Variants in SLC15A5 observed in about 807,000 individuals in gnomAD.
SLC15A5 encodes the protein solute carrier family 15 member 5.
Under a neutral mutation model 56.1 loss-of-function variants are expected in SLC15A5, and 58 were observed. The observed-to-expected ratio is 1.03, with a 90% CI of 0.84 to 1.29. The LOEUF is 1.29. Ranked by LOEUF, SLC15A5 falls within the 50% of genes most tolerant of loss-of-function variation. The pLI, the probability that SLC15A5 is intolerant of heterozygous loss-of-function variation, is 0.00. For synonymous variants in SLC15A5, 264 were observed against 250.5 expected, an observed-to-expected ratio of 1.05 and a Z score of -0.51; for missense variants, 681 against 672.1, an observed-to-expected ratio of 1.01 and a Z score of -0.15.
At chr12:16,191,261 T>G (rs1565653775) in intron 8 of SLC15A5, among the ~76,000 whole-genome samples, 2 of 151,996 alleles carry the variant, frequency 1.3e-5, no homozygotes, top group Non-Finnish European at 2.9e-5. Context: ...CTCACAAGAT[T>G]GGTTTGGTTC....
At chr12:16,259,595 G>A (rs953565367) in intron 2 of SLC15A5, among the ~76,000 whole-genome samples, 2 of 152,186 alleles carry the variant, frequency 1.3e-5, no homozygotes, top group Non-Finnish European at 2.9e-5. Flanking sequence ...ATACTTGCTA[G>A]GCAATGATAA....
In SLC15A5 at chr12:16,196,413, C is replaced by T. The variant is rs1014869655; in HGVS notation, c.1484-1960G>A. On this transcript the variant is annotated intron_variant, in intron 7 of 8. Coordinates refer to ENST00000344941, the MANE Select transcript of SLC15A5 (RefSeq NM_001170798.1). The surrounding 1 kb of genome is among the most constrained non-coding windows in gnomAD (Gnocchi z 4.0). ...GTGCATGTGTGTGTGTGTGCCCGTGCATGTGTGCACACAGGAACTAAACAT... is the reference window on the plus strand; with the variant it reads ...GTGCATGTGTGTGTGTGTGCCCGTGTATGTGTGCACACAGGAACTAAACAT... Among the ~76,000 whole-genome samples, 5 of 151,602 alleles carry T rather than the reference C, an allele frequency of 3.3e-5. No individual in the cohort carries two copies. Among genetic ancestry groups the T allele is most frequent in the South Asian group, 2.1e-4 (1 of 4,810 alleles).
At chr12:16,255,092 A>C (rs906025821) in intron 3 of SLC15A5, among the ~76,000 whole-genome samples, 1 of 152,128 alleles carries the variant, frequency 6.6e-6, no homozygotes. Flanking sequence ...ATCACTATGT[A>C]CCTCGTAAAT....
chr12:16,212,626 G>A (rs1864094658), intron 7 of SLC15A5, among the ~76,000 whole-genome samples: 1 of 152,150 alleles, frequency 6.6e-6, no homozygotes, highest in African/African-American at 2.4e-5. Context: ...TATCCAAAAG[G>A]AGAGGATTAA....
chr12:16,216,596 A>G (rs576533118), intron 7 of SLC15A5, among the ~76,000 whole-genome samples: 112 of 152,286 alleles, frequency 7.4e-4, no homozygotes, highest in Non-Finnish European at 1.3e-3. Context: ...GCTGTGAGGC[A>G]TTATTGCATA....
intron 1 of SLC15A5, among the ~76,000 whole-genome samples, chr12:16,273,507 C>T (rs1469986378): frequency 3.3e-5 from 5 of 152,080 alleles, no homozygotes; most frequent in African/African-American, 1.2e-4. Context: ...ATAAAAATAA[C>T]TATACAATTC....
intron 3 of SLC15A5, among the ~76,000 whole-genome samples, chr12:16,255,960 A>G (rs879887075): frequency 6.6e-6 from 1 of 152,208 alleles, no homozygotes; most frequent in African/African-American, 2.4e-5. Context: ...CAAGAGGCTT[A>G]TCTGAACGAC....
intron 7 of SLC15A5, among the ~76,000 whole-genome samples, chr12:16,209,302 A>G (rs564969645): frequency 2.6e-5 from 4 of 152,170 alleles, no homozygotes; most frequent in South Asian, 2.1e-4. Flanking sequence ...ATATACATAT[A>G]TAGTTCCCTC....
intron 8 of SLC15A5, 22 bp downstream of exon 8, chr12:16,194,323 A>G (rs1269614604): frequency 2.7e-6 from 4 of 1,476,356 alleles, no homozygotes; most frequent in East Asian, 2.5e-5. Flanking sequence ...GAAATTTTTC[A>G]TCTTACCACA....
At chr12:16,261,052 GT>G (rs894314183) in intron 2 of SLC15A5, among the ~76,000 whole-genome samples, 14 of 145,188 alleles carry the variant, frequency 9.6e-5, no homozygotes, top group South Asian at 2.2e-4. Context: ...CTTTTCTCTT[GT>G]TTTTTTTTTA....
chr12:16,224,504 T>C lies in SLC15A5; in HGVS notation c.1261A>G (p.Lys421Glu). 1.3e-6 allele frequency: 2 copies of C among 1,537,264 alleles called. No individual in the cohort carries two copies. Among genetic ancestry groups the C allele is most frequent in the Non-Finnish European group, 1.7e-6 (2 of 1,146,910 alleles). The change falls in exon 6 of 9, where the codon AAA becomes GAA. Residue 421 changes from lysine to glutamate, a missense_variant. Lys to Glu is a moderately conservative substitution (Grantham distance 56, BLOSUM62 1). Transcript: ENST00000344941. ...GGCATGGAGGAAACAGTGAGAACTT[T>C]TCCTGAAAGGGGCTGCTCCACTGCA... Reference protein sequence around the residue: ...FPAVEQPLSGKVLTVSSMPCF... With the variant: ...FPAVEQPLSGEVLTVSSMPCF...
intron 5 of SLC15A5, among the ~76,000 whole-genome samples, chr12:16,238,300 A>G (rs1814096292): frequency 6.6e-6 from 1 of 152,154 alleles, no homozygotes; most frequent in South Asian, 2.1e-4. Context: ...ACCTGTGACT[A>G]GAAGATTCCG....
intron 3 of SLC15A5, among the ~76,000 whole-genome samples, chr12:16,248,979 T>C (rs1019171893): frequency 2.0e-5 from 3 of 152,116 alleles, no homozygotes; most frequent in African/African-American, 7.2e-5. Flanking sequence ...TATTACTATT[T>C]TTTAAAAAAC....
chr12:16,237,554 A>C lies in SLC15A5; in HGVS notation c.1162+2127T>G, dbSNP rs561305515. Reference sequence around the variant, plus strand: ...TAAATAACTCTGTCTAACTTTTCTAAATCCAGAAAAAAAGTACTCTTCTTT... The same window carrying C: ...TAAATAACTCTGTCTAACTTTTCTACATCCAGAAAAAAAGTACTCTTCTTT... On this transcript the variant is annotated intron_variant, in intron 5 of 8. Coordinates refer to ENST00000344941, the MANE Select transcript of SLC15A5 (RefSeq NM_001170798.1). The surrounding 1 kb of genome is among the most constrained non-coding windows in gnomAD (Gnocchi z 4.1). 1.3e-5 allele frequency among the ~76,000 whole-genome samples: 2 copies of C among 152,292 alleles called. No homozygotes were observed. Among genetic ancestry groups the C allele is most frequent in the South Asian group, 4.1e-4 (2 of 4,824 alleles).
chr12:16,205,358 G>T (rs929259147), intron 7 of SLC15A5, among the ~76,000 whole-genome samples: 2 of 151,352 alleles, frequency 1.3e-5, no homozygotes, highest in Non-Finnish European at 1.5e-5. Flanking sequence ...TTTAATTCTC[G>T]ATAGTCTTTA....
rs1302541049 is a variant in SLC15A5, at chr12:16,188,503, T to C, written c.*1165A>G. 6.6e-6 allele frequency: 1 copy of C among 152,248 alleles called. No homozygotes were observed. Among genetic ancestry groups the C allele is most frequent in the Non-Finnish European group, 1.5e-5 (1 of 68,048 alleles). The allele number at this position is 152,248 out of a possible 1,614,324, so 9.4% of individuals were successfully genotyped here. On this transcript the variant is annotated 3_prime_UTR_variant, in exon 9 of 9. Transcript: ENST00000344941. Reference sequence around the variant, plus strand: ...TACCTAATCAAGTTGAGTAAATCTTTTATTCTACAGACCTAAAATATTTTA... The same window carrying C: ...TACCTAATCAAGTTGAGTAAATCTTCTATTCTACAGACCTAAAATATTTTA...
chr12:16,244,667 A>T lies in SLC15A5; in HGVS notation c.888T>A (p.Ser296Arg). 6.5e-7 allele frequency: 1 copy of T among 1,537,420 alleles called. No individual in the cohort carries two copies. The highest frequency in any genetic ancestry group is 2.4e-5 in the East Asian group (1 of 40,912). The change falls in exon 4 of 9, where the codon AGT becomes AGA. Residue 296 changes from serine (S) to arginine (R), a missense_variant. By Grantham distance (110) the Ser-to-Arg change is moderately radical (BLOSUM62 -1). Transcript: ENST00000344941. ...ATGTTGTGTCTTCTACATGGAGCTCACTGTAGCAGCCACCATTTTTTTCTT... is the reference window on the plus strand; with the variant it reads ...ATGTTGTGTCTTCTACATGGAGCTCTCTGTAGCAGCCACCATTTTTTTCTT... Reference protein sequence around the residue: ...HAKEKNGGCYSELHVEDTTFF... With the variant: ...HAKEKNGGCYRELHVEDTTFF...
At chr12:16,238,203 A>G (rs556113266) in intron 5 of SLC15A5, among the ~76,000 whole-genome samples, 1 of 152,300 alleles carries the variant, frequency 6.6e-6, no homozygotes, top group African/African-American at 2.4e-5. Context: ...CCACTCCATG[A>G]TGTGATCTTG....
chr12:16,206,077 CG>C (rs1864015728), intron 7 of SLC15A5, among the ~76,000 whole-genome samples: 1 of 151,776 alleles, frequency 6.6e-6, no homozygotes, highest in African/African-American at 2.4e-5. Flanking sequence ...TGCTTGGGAG[CG>C]AAAAAGGGTG....
Sources: allele counts gnomAD v4.1 joint callset (sites outside exome capture counted in the v4.1 genomes callset), GRCh38; gene constraint gnomAD v4.1.1; non-coding constraint Gnocchi (gnomAD v3.1); transcripts MANE v1.5; gene names NCBI Gene and HGNC (gene_info 2026-07-23, HGNC 2026-07-21).